IFT88: variants seen among roughly 807,000 people sequenced by gnomAD.
The protein encoded by IFT88 is intraflagellar transport 88, also known as intraflagellar transport protein 88 homolog.
In IFT88, 74 loss-of-function variants were observed where a neutral mutation model predicts 119.5. The observed-to-expected ratio is 0.62, with a 90% CI of 0.51 to 0.75. The LOEUF (loss-of-function observed/expected upper bound fraction) is 0.75. Ranked by LOEUF, IFT88 falls within the 30% of genes least tolerant of loss-of-function variation. The pLI, the probability that IFT88 is intolerant of heterozygous loss-of-function variation, is 0.00. For synonymous variants in IFT88, 279 were observed against 316.7 expected (o/e 0.88, Z 1.26); for missense variants, 961 against 977.7 (o/e 0.98, Z 0.23).
At chr13:20,663,437 T>A (rs2054150294) in intron 22 of IFT88, 61 bp from the exon 23 acceptor site, 20 of 1,590,082 alleles carry the variant, frequency 1.3e-5, no homozygotes, top group Non-Finnish European at 1.7e-5. Flanking sequence ...ACTGATTTAT[T>A]GAGCTTTTAA....
intron 12 of IFT88, among the ~76,000 whole-genome samples, chr13:20,603,732 C>CA (rs1411683763): frequency 6.6e-6 from 1 of 151,846 alleles, no homozygotes; most frequent in East Asian, 1.9e-4. Flanking sequence ...TCCATCTCTA[C>CA]AAAAAAATAC....
At chr13:20,644,797 T>A in intron 19 of IFT88, 46 bp from the exon 20 acceptor site, 1 of 800,654 alleles carries the variant, frequency 1.2e-6, no homozygotes, top group Non-Finnish European at 2.1e-6. Context: ...GTAAATTATA[T>A]GTTGCCATTG....
intron 24 of IFT88, 21 bp downstream of exon 24, chr13:20,671,060 T>C: frequency 6.2e-7 from 1 of 1,607,094 alleles, no homozygotes; most frequent in East Asian, 2.2e-5. Flanking sequence ...TCTCTTTCCC[T>C]GAAAAACTTG....
chr13:20,638,114 A>G (rs975166987), intron 16 of IFT88, among the ~76,000 whole-genome samples: 1 of 152,212 alleles, frequency 6.6e-6, no homozygotes, highest in Non-Finnish European at 1.5e-5. Context: ...TATTCTAACC[A>G]TGAGACTGTG....
rs543623364 is a variant in IFT88 at position 20,643,386 on chromosome 13, T to C, written c.1683-69T>C. 2.5e-6 allele frequency: 3 copies of C among 1,191,590 alleles called. No homozygotes were observed. In the Admixed American group the frequency reaches 6.4e-5, roughly 26 times the overall value. The allele number at this position is 1,191,590 out of a possible 1,614,324, so 73.8% of individuals were successfully genotyped here. A position where few individuals can be genotyped will look rare whatever the true frequency, so the allele number is the denominator to read the frequency against. On this transcript the variant is annotated intron_variant, in intron 18 of 25. Coordinates refer to ENST00000351808, the MANE Select transcript of IFT88 (RefSeq NM_006531.5). The stretch of plus-strand genomic sequence containing the variant: ...AGGCTAAGAAATATTGTTACTGTAA[T>C]GTTTTTTAAGTTTGCTTATTGCTTA...
chr13:20,589,132 T>C (rs1490095607), intron 3 of IFT88, among the ~76,000 whole-genome samples: 1 of 152,204 alleles, frequency 6.6e-6, no homozygotes, highest in Non-Finnish European at 1.5e-5. Flanking sequence ...TCTTGTTGGG[T>C]CTCTAATGTA....
intron 4 of IFT88, 152 bp from the exon 5 acceptor site, chr13:20,590,815 T>C: frequency 1.8e-6 from 1 of 561,350 alleles, no homozygotes; most frequent in Non-Finnish European, 3.1e-6. Flanking sequence ...TTTTATAGTT[T>C]TATGGTTTTA....
At chr13:20,678,328 G>C (rs1280312061) in intron 24 of IFT88, among the ~76,000 whole-genome samples, 3 of 152,244 alleles carry the variant, frequency 2.0e-5, no homozygotes, top group Non-Finnish European at 2.9e-5. Flanking sequence ...ATAGGGTGCA[G>C]AGTGGGACCA....
chr13:20,601,785 T>C lies in IFT88; in HGVS notation c.893T>C (p.Ile298Thr). 6.2e-7 allele frequency: 1 copy of C among 1,613,486 alleles called. No homozygotes were observed. The highest frequency in any genetic ancestry group is 2.2e-5 in the East Asian group (1 of 44,840). The change falls in exon 12 of 26, where the codon ATA becomes ACA. Residue 298 changes from isoleucine to threonine, a missense_variant. Physicochemically the swap from Ile to Thr is moderately conservative, Grantham distance 89. Coordinates refer to ENST00000351808, the MANE Select transcript of IFT88 (RefSeq NM_006531.5). ...YSDAINSYEH[I>T]MSMAPNLKAG... is the part of the protein sequence containing the mutation. ...GATGCTATTAATTCATATGAGCACA[T>C]AATGAGCATGGCACCAAATCTGAAG...
At chr13:20,679,474 C>T (rs975274697) in intron 24 of IFT88, among the ~76,000 whole-genome samples, 2 of 152,146 alleles carry the variant, frequency 1.3e-5, no homozygotes, top group Non-Finnish European at 2.9e-5. Flanking sequence ...TAATAATATG[C>T]GCAGAAGGAG....
chr13:20,643,421 GA>G (rs750696302), intron 18 of IFT88, 33 bp from the exon 19 acceptor site: 1 of 1,542,400 alleles, frequency 6.5e-7, no homozygotes, highest in African/African-American at 1.4e-5. Flanking sequence ...AATGAATTTA[GA>G]AAACATGTTT....
rs532787218 is a variant in IFT88, at chr13:20,615,081, C to T, written c.1113-712C>T. Among the ~76,000 whole-genome samples, 12 of 152,238 alleles carry T rather than the reference C, an allele frequency of 7.9e-5. No individual in the cohort carries two copies. In the East Asian group the frequency reaches 2.3e-3, roughly 29 times the overall value. On this transcript the variant is annotated intron_variant, in intron 13 of 25. Transcript: ENST00000351808. The stretch of plus-strand genomic sequence containing the variant: ...CCACCTGCCTTGGCCTCCCAAAGTG[C>T]TGGGATTACAGGCATGAGCCACTGC...
At chr13:20,656,474 A>C in intron 22 of IFT88, 44 bp downstream of exon 22, 2 of 906,958 alleles carry the variant, frequency 2.2e-6, no homozygotes, top group Non-Finnish European at 3.4e-6. Context: ...ATAAGTTCTC[A>C]TATTTTATGT....
At chr13:20,589,421 A>G (rs1008021675) in intron 3 of IFT88, among the ~76,000 whole-genome samples, 1 of 152,218 alleles carries the variant, frequency 6.6e-6, no homozygotes, top group Non-Finnish European at 1.5e-5. Context: ...AAATAAAGGT[A>G]TCTGTTATAG....
Position 20,638,334 on chromosome 13 carries a change from A to G in IFT88, c.1389A>G (p.Gly463=), listed in dbSNP as rs765212656. The G allele has an allele frequency of 1.5e-6, 2 of 1,339,868 alleles. No individual in the cohort carries two copies. The highest frequency in any genetic ancestry group is 5.2e-5 in the South Asian group (2 of 38,292). 83.0% of individuals were successfully genotyped at this position (1,339,868 alleles called of 1,614,324 possible). ...ATTTGTATATGTATTTTACTTAGGG[A>G]AAGGATTTTGCACAAGCCAGCAGCT... is the stretch of plus-strand genomic sequence containing the variant. ...ATNLSALYYM[G]KDFAQASSYA... The change falls in exon 17 of 26, where the codon GGA becomes GGG. Residue 463 remains glycine, a splice_region_variant and synonymous_variant. Coordinates refer to ENST00000351808, the MANE Select transcript of IFT88 (RefSeq NM_006531.5).
intron 14 of IFT88, among the ~76,000 whole-genome samples, chr13:20,622,237 C>T (rs1356348040): frequency 6.6e-6 from 1 of 152,134 alleles, no homozygotes; most frequent in Non-Finnish European, 1.5e-5. Context: ...TATTCATTCA[C>T]CTATTGAAAG....
chr13:20,637,731 A>G (rs1005020132), intron 16 of IFT88, among the ~76,000 whole-genome samples: 16 of 152,222 alleles, frequency 1.1e-4, no homozygotes, highest in African/African-American at 3.6e-4. Flanking sequence ...CAGATGTCAC[A>G]CAAGTTCCTC....
At position 20,599,471 on chromosome 13, in the gene IFT88, G is replaced by T; in HGVS notation, c.718G>T (p.Gly240Ter). The T allele has an allele frequency of 7.3e-7, 1 of 1,375,014 alleles. No individual in the cohort carries two copies. Among genetic ancestry groups the T allele is most frequent in the Non-Finnish European group, 1.0e-6 (1 of 982,456 alleles). 85.2% of individuals were successfully genotyped at this position (1,375,014 alleles called of 1,614,324 possible). ...SNAGILKMNMGNIYLKQRNYS... is the reference protein window; with the variant it reads ...SNAGILKMNM ...ATTAGGAATATTGAAAATGAATATGGGAAATATCTATTTAAAGCAAAGAAA... is the reference window on the plus strand; with the variant it reads ...ATTAGGAATATTGAAAATGAATATGTGAAATATCTATTTAAAGCAAAGAAA... Residue 240 changes from glycine to a stop codon, truncating the protein, a stop_gained, in exon 11 of 26, where the codon GGA (glycine) becomes TGA (stop). Coordinates refer to ENST00000351808, the MANE Select transcript of IFT88 (RefSeq NM_006531.5). LOFTEE classifies it high-confidence loss of function.
At chr13:20,592,258 C>T (rs1047270277) in intron 6 of IFT88, 77 bp from the exon 7 acceptor site, 33 of 1,047,686 alleles carry the variant, frequency 3.1e-5, no homozygotes, top group Middle Eastern at 2.0e-4. Flanking sequence ...ATAGCTTATG[C>T]GAGGTTTTAT....
Sources: allele counts gnomAD v4.1 joint callset (sites outside exome capture counted in the v4.1 genomes callset), GRCh38; gene constraint gnomAD v4.1.1; transcripts MANE v1.5; gene names NCBI Gene and HGNC (gene_info 2026-07-23, HGNC 2026-07-21).